Variants in DPYSL5 observed in about 807,000 individuals in gnomAD.
The protein encoded by DPYSL5 is dihydropyrimidinase like 5.
In DPYSL5, 9 loss-of-function variants were observed where a neutral mutation model predicts 58.4. The observed-to-expected ratio is 0.15, with a 90% CI of 0.09 to 0.27. The LOEUF is 0.27. Ranked by LOEUF, DPYSL5 falls within the 10% of genes least tolerant of loss-of-function variation. DPYSL5 has a pLI of 1.00. For missense variants in DPYSL5, 499 were observed against 770.6 expected (o/e 0.65, Z 4.17); for synonymous variants, 293 against 301.9 (o/e 0.97, Z 0.31).
At chr2:26,892,011 G>A (rs1663893294) in intron 1 of DPYSL5, among the ~76,000 whole-genome samples, 1 of 152,142 alleles carries the variant, frequency 6.6e-6, no homozygotes, top group African/African-American at 2.4e-5. Flanking sequence ...CAGATTATAT[G>A]TTCCTCCTCC....
intron 1 of DPYSL5, among the ~76,000 whole-genome samples, chr2:26,886,256 A>G (rs968367769): frequency 5.9e-5 from 9 of 152,164 alleles, no homozygotes; most frequent in African/African-American, 2.2e-4. Flanking sequence ...CCTAATTGCT[A>G]TTAGTCATTA....
intron 2 of DPYSL5, among the ~76,000 whole-genome samples, chr2:26,902,113 T>G (rs529015557): frequency 3.3e-5 from 5 of 151,980 alleles, no homozygotes; most frequent in African/African-American, 1.2e-4. Flanking sequence ...CAGGACCACC[T>G]GCTGGCTAAC....
At chr2:26,896,775 T>C (rs1172264503) in intron 1 of DPYSL5, among the ~76,000 whole-genome samples, 1 of 152,278 alleles carries the variant, frequency 6.6e-6, no homozygotes, top group Non-Finnish European at 1.5e-5. Flanking sequence ...ATTTTGGATA[T>C]TAACCTCTTG....
intron 1 of DPYSL5, among the ~76,000 whole-genome samples, chr2:26,868,681 T>C (rs1663176872): frequency 6.6e-6 from 1 of 152,230 alleles, no homozygotes. Flanking sequence ...TATCTGTTGA[T>C]ACCATACAGT....
intron 6 of DPYSL5, among the ~76,000 whole-genome samples, 193 bp downstream of exon 6, chr2:26,931,877 G>A (rs553871003): frequency 8.8e-4 from 133 of 151,090 alleles, no homozygotes; most frequent in Non-Finnish European, 1.7e-3. Flanking sequence ...GCGTGGTGGC[G>A]TGCACCTGTA....
intron 11 of DPYSL5, among the ~76,000 whole-genome samples, chr2:26,943,197 A>T (rs1366691217): frequency 6.6e-6 from 1 of 152,142 alleles, no homozygotes; most frequent in African/African-American, 2.4e-5. Context: ...CAGGCACCTG[A>T]ACACGGGAGG....
chr2:26,935,972 G>A (rs1665164353), intron 8 of DPYSL5, among the ~76,000 whole-genome samples: 1 of 152,214 alleles, frequency 6.6e-6, no homozygotes, highest in Admixed American at 6.5e-5. Flanking sequence ...CCCAGAGGAA[G>A]CCCACACAGC....
At chr2:26,886,106 TC>T (rs1191709537) in intron 1 of DPYSL5, among the ~76,000 whole-genome samples, 1 of 152,224 alleles carries the variant, frequency 6.6e-6, no homozygotes, top group Non-Finnish European at 1.5e-5. Flanking sequence ...AGCTAGACTT[TC>T]AGTTTCCTGT....
intron 5 of DPYSL5, 143 bp downstream of exon 5, chr2:26,928,466 G>T: frequency 1.1e-6 from 1 of 914,726 alleles, no homozygotes; most frequent in Non-Finnish European, 1.7e-6. Flanking sequence ...AGGCTGAGGT[G>T]GGTGGATGGC....
chr2:26,885,993 G>A (rs1663708201), intron 1 of DPYSL5, among the ~76,000 whole-genome samples: 1 of 152,216 alleles, frequency 6.6e-6, no homozygotes, highest in African/African-American at 2.4e-5. Flanking sequence ...ACTGGGGACA[G>A]GGGAGTTGGT....
In DPYSL5 at chr2:26,931,167, A is replaced by ATGTGTGTG. The variant is rs1320040908; in HGVS notation, c.670-472_670-471insGTGTGTGT. 3.6e-3 allele frequency among the ~76,000 whole-genome samples: 197 copies of ATGTGTGTG among 54,222 alleles called. 1 individual carries two copies. The highest frequency in any genetic ancestry group is 5.0e-3 in the Non-Finnish European group (146 of 29,188). 35.6% of individuals were successfully genotyped at this position (54,222 alleles called of 152,430 possible). A position where few individuals can be genotyped will look rare whatever the true frequency, so the allele number is the denominator to read the frequency against. ...AAAAAAAAAAAATATATATATATAT[A>ATGTGTGTG]TATGTGTGTGTGTGTGTGTGTGTGT... On this transcript the variant is annotated intron_variant, in intron 5 of 12. Transcript: ENST00000288699.
intron 5 of DPYSL5, among the ~76,000 whole-genome samples, chr2:26,930,558 C>A (rs1353657657): frequency 1.3e-5 from 2 of 152,206 alleles, no homozygotes; most frequent in Non-Finnish European, 2.9e-5. Flanking sequence ...GGTGCAGTGG[C>A]TCACACCTGT....
At chr2:26,922,950 G>A (rs1406747914) in intron 2 of DPYSL5, among the ~76,000 whole-genome samples, 2 of 152,212 alleles carry the variant, frequency 1.3e-5, no homozygotes, top group East Asian at 1.9e-4. Flanking sequence ...TCCCCAGGAC[G>A]ACTGGGAACA....
chr2:26,917,171 C>T (rs781228061), intron 2 of DPYSL5, among the ~76,000 whole-genome samples: 14 of 152,174 alleles, frequency 9.2e-5, no homozygotes, highest in East Asian at 1.9e-4. Flanking sequence ...GGAATTTAAA[C>T]GTAGATCTGC....
chr2:26,920,301 AT>A (rs1664672748), intron 2 of DPYSL5, among the ~76,000 whole-genome samples: 1 of 152,218 alleles, frequency 6.6e-6, no homozygotes, highest in South Asian at 2.1e-4. Context: ...TGTTTGAAAT[AT>A]TTCATAACTT....
At chr2:26,860,281 A>G (rs1665978574) in intron 1 of DPYSL5, among the ~76,000 whole-genome samples, 1 of 152,232 alleles carries the variant, frequency 6.6e-6, no homozygotes. Context: ...ACAATATGAC[A>G]ATTGGAGAAT....
chr2:26,932,195 G>GAA (rs1351425599), intron 6 of DPYSL5, among the ~76,000 whole-genome samples: 1 of 78,368 alleles, frequency 1.3e-5, no homozygotes, highest in African/African-American at 4.7e-5. Context: ...AAGAAAGAAA[G>GAA]AAAGAAAGAA....
At chr2:26,891,709 G>A (rs976806391) in intron 1 of DPYSL5, among the ~76,000 whole-genome samples, 8 of 151,886 alleles carry the variant, frequency 5.3e-5, no homozygotes, top group African/African-American at 1.9e-4. Flanking sequence ...GTCTCGCTCT[G>A]TTGCCCAGGC....
chr2:26,932,171 GAA>G (rs1462231858), intron 6 of DPYSL5, among the ~76,000 whole-genome samples: 1 of 68,586 alleles, frequency 1.5e-5, no homozygotes, highest in Non-Finnish European at 3.1e-5. Flanking sequence ...AAGAAAGAAA[GAA>G]AGAAAGAAAG....
Sources: allele counts gnomAD v4.1 joint callset (sites outside exome capture counted in the v4.1 genomes callset), GRCh38; gene constraint gnomAD v4.1.1; transcripts MANE v1.5; gene names NCBI Gene and HGNC (gene_info 2026-07-23, HGNC 2026-07-21).